Variants in TBC1D32 observed in about 807,000 individuals in gnomAD.
The protein encoded by TBC1D32 is protein broad-minded.
A neutral mutation model predicts 170.3 loss-of-function variants in TBC1D32; 151 were observed. The observed-to-expected ratio is 0.89, with a 90% confidence interval of 0.78 to 1.01. The LOEUF (loss-of-function observed/expected upper bound fraction) is 1.01. Ranked by LOEUF, TBC1D32 falls within the 50% of genes least tolerant of loss-of-function variation. TBC1D32 has a pLI of 0.00. For missense variants in TBC1D32, 1,464 were observed against 1,457.1 expected (o/e 1.00, Z -0.08); for synonymous variants, 498 against 488.0 (o/e 1.02, Z -0.27).
intron 12 of TBC1D32, 69 bp downstream of exon 12, chr6:121,291,984 G>A: frequency 7.0e-7 from 1 of 1,422,466 alleles, no homozygotes. Context: ...AAATTTCCAA[G>A]TTTGAATACT....
At chr6:121,096,890 CCA>C in intron 30 of TBC1D32, among the ~76,000 whole-genome samples, 1 of 152,202 alleles carries the variant, frequency 6.6e-6, no homozygotes, top group East Asian at 1.9e-4. Context: ...AGAAATAACA[CCA>C]CACATCTACA....
chr6:121,271,388 T>G (rs752447964), intron 15 of TBC1D32, among the ~76,000 whole-genome samples: 2 of 152,194 alleles, frequency 1.3e-5, no homozygotes, highest in Non-Finnish European at 2.9e-5. Context: ...CAAAATCTCC[T>G]TAAGCTGATA....
chr6:121,084,455 C>G (rs1775980446), intron 31 of TBC1D32, among the ~76,000 whole-genome samples: 1 of 152,046 alleles, frequency 6.6e-6, no homozygotes, highest in Admixed American at 6.6e-5. Flanking sequence ...TTTTCTTGAT[C>G]ACACTACAGA....
chr6:121,224,053 T>G (rs1333502735), intron 20 of TBC1D32, among the ~76,000 whole-genome samples: 1 of 152,166 alleles, frequency 6.6e-6, no homozygotes, highest in African/African-American at 2.4e-5. Flanking sequence ...TTCAAGGCAC[T>G]TCTCTAATTG....
chr6:121,315,500 G>A (rs1808800659), intron 3 of TBC1D32, among the ~76,000 whole-genome samples: 1 of 151,942 alleles, frequency 6.6e-6, no homozygotes, highest in Non-Finnish European at 1.5e-5. Context: ...TCAATAATGG[G>A]TCAAAAGTCC....
intron 9 of TBC1D32, among the ~76,000 whole-genome samples, chr6:121,301,251 T>C (rs1280624766): frequency 6.6e-6 from 1 of 152,160 alleles, no homozygotes; most frequent in Non-Finnish European, 1.5e-5. Context: ...ATATGTTTAT[T>C]GCAGCACTGT....
chr6:121,237,933 T>A (rs2128353124), intron 20 of TBC1D32, among the ~76,000 whole-genome samples: 1 of 152,196 alleles, frequency 6.6e-6, no homozygotes, highest in Non-Finnish European at 1.5e-5. Flanking sequence ...GCCATAGAGA[T>A]CCTGGATTCT....
At chr6:121,147,114 A>G (rs1343296469) in intron 24 of TBC1D32, among the ~76,000 whole-genome samples, 1 of 152,172 alleles carries the variant, frequency 6.6e-6, no homozygotes, top group Admixed American at 6.5e-5. Context: ...GAATAATGGC[A>G]TCCAGCTGCA....
In TBC1D32 at chr6:121,143,226, T is replaced by G. The variant is rs571296942; in HGVS notation, c.2774-11474A>C. Reference sequence around the variant, plus strand: ...TGTGTGTGATGATCCATACATATACTCATATACATGTATTCAAGTGTACAT... The same window carrying G: ...TGTGTGTGATGATCCATACATATACGCATATACATGTATTCAAGTGTACAT... On this transcript the variant is annotated intron_variant, in intron 24 of 31. Coordinates refer to ENST00000398212, the MANE Select transcript of TBC1D32 (RefSeq NM_152730.6). Among the ~76,000 whole-genome samples, 292 of 152,266 alleles carry G rather than the reference T, an allele frequency of 1.9e-3. 1 individual carries two copies. The highest frequency in any genetic ancestry group is 6.5e-3 in the African/African-American group (271 of 41,568).
At chr6:121,241,434 A>C in intron 19 of TBC1D32, 31 bp downstream of exon 19, 4 of 1,561,004 alleles carry the variant, frequency 2.6e-6, no homozygotes, top group Non-Finnish European at 2.6e-6. Context: ...CTTTAAAATA[A>C]TTATAATTCT....
intron 12 of TBC1D32, among the ~76,000 whole-genome samples, chr6:121,289,471 A>G (rs556678193): frequency 2.8e-4 from 42 of 152,338 alleles, no homozygotes; most frequent in African/African-American, 9.9e-4. Context: ...CTCAAGGAGA[A>G]CTACAAACCA....
chr6:121,107,790 G>A (rs73768907), intron 29 of TBC1D32, among the ~76,000 whole-genome samples: 4,904 of 152,012 alleles, frequency 0.032, 269 homozygotes, highest in African/African-American at 0.11. Flanking sequence ...CTATGTATAG[G>A]AAATGATTCA....
At chr6:121,222,114 C>T (rs544052600) in intron 21 of TBC1D32, among the ~76,000 whole-genome samples, 1 of 152,300 alleles carries the variant, frequency 6.6e-6, no homozygotes, top group East Asian at 1.9e-4. Flanking sequence ...ACCAGCAAAA[C>T]AGAATACAAC....
At chr6:121,196,317 G>A (rs777024447) in intron 22 of TBC1D32, among the ~76,000 whole-genome samples, 5 of 152,154 alleles carry the variant, frequency 3.3e-5, no homozygotes, top group African/African-American at 4.8e-5. Context: ...ACCTGGCTAC[G>A]GCCACTGCTG....
At chr6:121,235,743 G>C (rs1237135210) in intron 20 of TBC1D32, among the ~76,000 whole-genome samples, 3 of 152,164 alleles carry the variant, frequency 2.0e-5, no homozygotes, top group Admixed American at 6.5e-5. Flanking sequence ...CAGTGATCCA[G>C]TTCCTTCAAA....
At chr6:121,198,265 A>G (rs911619466) in intron 22 of TBC1D32, among the ~76,000 whole-genome samples, 3 of 142,780 alleles carry the variant, frequency 2.1e-5, no homozygotes, top group African/African-American at 7.9e-5. Context: ...TATATAATAT[A>G]TATATATAAT....
Position 121,256,167 on chromosome 6 carries a change from G to A in TBC1D32, c.1852C>T (p.Arg618Cys), listed in dbSNP as rs918794851. The A allele has an allele frequency of 1.5e-5, 24 of 1,613,716 alleles. No homozygotes were observed. In the African/African-American group the frequency reaches 2.3e-4, roughly 15 times the overall value. Reference protein sequence around the residue: ...VVKGAFISVCRHIYSTCEGLQ... With the variant: ...VVKGAFISVCCHIYSTCEGLQ... Reference sequence around the variant, plus strand: ...CCTTCACATGTACTATATATGTGACGACACACAGAAATAAAAGCTCCTTTA... The same window carrying A: ...CCTTCACATGTACTATATATGTGACAACACACAGAAATAAAAGCTCCTTTA... The change falls in exon 16 of 32, where the codon CGT becomes TGT. Residue 618 changes from arginine (R) to cysteine (C), a missense_variant. Arg to Cys is a radical substitution (Grantham distance 180). Transcript: ENST00000398212.
intron 21 of TBC1D32, among the ~76,000 whole-genome samples, chr6:121,207,244 T>A (rs995710871): frequency 6.6e-6 from 1 of 152,124 alleles, no homozygotes; most frequent in African/African-American, 2.4e-5. Flanking sequence ...TCTAAAAGTA[T>A]TATAATAAAT....
At chr6:121,288,531 A>G (rs1804270752) in intron 12 of TBC1D32, among the ~76,000 whole-genome samples, 1 of 152,202 alleles carries the variant, frequency 6.6e-6, no homozygotes. Context: ...AACCAAAAAA[A>G]GTCCAGGACC....
Sources: gnomAD v4.1 joint callset for allele counts (sites outside exome capture counted in the v4.1 genomes callset) on GRCh38, gnomAD v4.1.1 for gene constraint, MANE v1.5 for transcripts, NCBI Gene and HGNC (gene_info 2026-07-23, HGNC 2026-07-21) for gene names.